Variants in CATSPERD observed in about 807,000 individuals in gnomAD.
CATSPERD encodes the protein catsper channel auxiliary subunit delta, also known as cation channel sperm-associated auxiliary subunit delta.
A neutral mutation model predicts 98.1 loss-of-function variants in CATSPERD; 86 were observed. The observed-to-expected ratio is 0.88, with a 90% CI of 0.74 to 1.05. The LOEUF (loss-of-function observed/expected upper bound fraction) is 1.05. Ranked by LOEUF, CATSPERD falls within the 50% of genes least tolerant of loss-of-function variation. The probability of loss-of-function intolerance (pLI) is 0.00; values close to 1 mark genes in which losing one functional copy is unlikely to be tolerated. For synonymous variants in CATSPERD, 394 were observed against 390.2 expected, an observed-to-expected ratio of 1.01 and a Z score of -0.12; for missense variants, 995 against 1,005.7, an observed-to-expected ratio of 0.99 and a Z score of 0.14.
Position 5,759,052 on chromosome 19 carries a change from G to T in CATSPERD, c.1369-34G>T, listed in dbSNP as rs1487316564. On this transcript the variant is annotated intron_variant, in intron 14 of 21. Transcript: ENST00000381624. ...TTGGGGATGCCCATGGTGTTCCACGGATACACTTGGGATTTTCTCTCTTGA... is the reference window on the plus strand; with the variant it reads ...TTGGGGATGCCCATGGTGTTCCACGTATACACTTGGGATTTTCTCTCTTGA... 2.5e-6 allele frequency: 4 copies of T among 1,606,404 alleles called. No homozygotes were observed. In the African/African-American group the frequency reaches 5.4e-5, roughly 22 times the overall value.
chr19:5,750,667 G>A (rs1474813139), intron 11 of CATSPERD, among the ~76,000 whole-genome samples: 2 of 151,652 alleles, frequency 1.3e-5, no homozygotes, highest in Admixed American at 1.3e-4. Flanking sequence ...CCCGGGAGAC[G>A]GAGGTTGCAG....
In CATSPERD at chr19:5,720,680, T is replaced by C. The variant is rs1354120177; in HGVS notation, c.-58T>C. 6.5e-7 allele frequency: 1 copy of C among 1,533,292 alleles called. No individual in the cohort carries two copies. The highest frequency in any genetic ancestry group is 8.9e-7 in the Non-Finnish European group (1 of 1,122,304). The allele number at this position is 1,533,292 out of a possible 1,614,324, so 95.0% of individuals were successfully genotyped here. On this transcript the variant is annotated 5_prime_UTR_variant, in exon 1 of 22. Transcript: ENST00000381624. ...GGCTTCAGCCTGCACGTACTCGGAT[T>C]GTGCAGCGACTCCCCGTGGCGGTTG...
At chr19:5,722,536 A>T (rs1405888453) in intron 1 of CATSPERD, among the ~76,000 whole-genome samples, 1 of 152,148 alleles carries the variant, frequency 6.6e-6, no homozygotes, top group Non-Finnish European at 1.5e-5. Flanking sequence ...TACTAATAGG[A>T]TTTGTCTCGA....
chr19:5,724,594 G>A (rs1249664637), intron 1 of CATSPERD, among the ~76,000 whole-genome samples: 2 of 152,176 alleles, frequency 1.3e-5, no homozygotes, highest in African/African-American at 4.8e-5. Flanking sequence ...AGCTACTCTG[G>A]CGGCTGAGGC....
In CATSPERD at chr19:5,778,594, T is replaced by G. The variant is rs951522721; in HGVS notation, c.2315T>G (p.Phe772Cys). ...LCRRCKTVCQ[F>C]RASATARAGT... is the part of the protein sequence containing the mutation. The stretch of plus-strand genomic sequence containing the variant: ...AGGAGATGCAAGACGGTCTGCCAGT[T>G]CAGGGCCTCAGCCACAGCCAGGGCA... The change falls in exon 22 of 22, where the codon TTC (phenylalanine) becomes TGC (cysteine). Residue 772 changes from phenylalanine to cysteine, a missense_variant. Around this residue, in one of 3 missense-constraint regions of CATSPERD, gnomAD observed 762 missense variants for 773.7 expected, o/e 0.98. Transcript: ENST00000381624. 1.2e-6 allele frequency: 2 copies of G among 1,613,696 alleles called. No homozygotes were observed. The highest frequency in any genetic ancestry group is 1.7e-6 in the Non-Finnish European group (2 of 1,179,986).
intron 15 of CATSPERD, among the ~76,000 whole-genome samples, chr19:5,760,173 G>A (rs28371787): frequency 0.11 from 17,086 of 148,968 alleles, 996 homozygotes; most frequent in East Asian, 0.17. Context: ...GGCTGAGGCG[G>A]ACAGCTCACA....
At chr19:5,748,575 G>A (rs1251013463) in intron 10 of CATSPERD, among the ~76,000 whole-genome samples, 2 of 140,578 alleles carry the variant, frequency 1.4e-5, no homozygotes, top group Non-Finnish European at 3.0e-5. Flanking sequence ...AGTGAGCAGT[G>A]AGCAGATCGC....
At chr19:5,738,032 C>T (rs2055882788) in intron 6 of CATSPERD, among the ~76,000 whole-genome samples, 1 of 151,952 alleles carries the variant, frequency 6.6e-6, no homozygotes, top group Non-Finnish European at 1.5e-5. Context: ...CTATAGTTGA[C>T]CTTTGAACAA....
chr19:5,742,215 T>C (rs1295136675), intron 7 of CATSPERD, among the ~76,000 whole-genome samples: 1 of 49,058 alleles, frequency 2.0e-5, no homozygotes, highest in African/African-American at 6.8e-5. Context: ...TGTGCATGTG[T>C]GTACATGTGT....
At chr19:5,722,325 G>A (rs1599496893) in intron 1 of CATSPERD, among the ~76,000 whole-genome samples, 1 of 152,080 alleles carries the variant, frequency 6.6e-6, no homozygotes. Context: ...GTTCCACCAT[G>A]TTGCCCAGGT....
chr19:5,742,365 T>C (rs1365660836), intron 7 of CATSPERD, among the ~76,000 whole-genome samples: 2 of 152,132 alleles, frequency 1.3e-5, no homozygotes, highest in African/African-American at 4.8e-5. Flanking sequence ...TGTATGTTTG[T>C]GCGTGTGGCA....
intron 20 of CATSPERD, among the ~76,000 whole-genome samples, chr19:5,773,482 G>T (rs138871004): frequency 6.6e-6 from 1 of 152,252 alleles, no homozygotes; most frequent in Non-Finnish European, 1.5e-5. Flanking sequence ...GCTACTGAGG[G>T]ATGGATGGAA....
chr19:5,730,003 T>C (rs2055683384), intron 4 of CATSPERD, 59 bp downstream of exon 4: 2 of 1,016,686 alleles, frequency 2.0e-6, no homozygotes, highest in Non-Finnish European at 3.0e-6. Flanking sequence ...TGGGGGAAAA[T>C]ACAGTTCAGA....
intron 11 of CATSPERD, 116 bp from the exon 12 acceptor site, chr19:5,751,531 C>CAAAAAAAAAAAAAAAAA (rs57266365): frequency 6.4e-6 from 1 of 155,740 alleles, no homozygotes; most frequent in African/African-American, 6.1e-5. Flanking sequence ...GAGACTCCAT[C>CAAAAAAAAAAAAAAAAA]AAAAAAAAAA....
chr19:5,732,948 A>G (rs2055756667), intron 4 of CATSPERD, among the ~76,000 whole-genome samples: 1 of 151,276 alleles, frequency 6.6e-6, no homozygotes, highest in Admixed American at 6.6e-5. Flanking sequence ...AAGTGTTGGT[A>G]TTACAGGCGT....
Position 5,770,950 on chromosome 19 carries a change from C to A in CATSPERD, c.1641C>A (p.Phe547Leu). 6.2e-7 allele frequency: 1 copy of A among 1,607,368 alleles called. No homozygotes were observed. The highest frequency in any genetic ancestry group is 8.5e-7 in the Non-Finnish European group (1 of 1,177,096). Reference sequence around the variant, plus strand: ...GCTTCTTGGTGTCTTGAAGGGAATTCTACGACCCCGGCTTCCAGGGGCAGC... The same window carrying A: ...GCTTCTTGGTGTCTTGAAGGGAATTATACGACCCCGGCTTCCAGGGGCAGC... The part of the protein sequence containing the change: ...DNYSFIIEKE[F>L]YDPGFQGQQS... Residue 547 changes from phenylalanine (F) to leucine (L), a missense_variant, in exon 19 of 22, where the codon TTC (phenylalanine) becomes TTA (leucine). Coordinates refer to ENST00000381624, the MANE Select transcript of CATSPERD (RefSeq NM_152784.4).
intron 3 of CATSPERD, among the ~76,000 whole-genome samples, chr19:5,727,717 G>A (rs2055632275): frequency 6.6e-6 from 1 of 152,126 alleles, no homozygotes; most frequent in African/African-American, 2.4e-5. Flanking sequence ...GCTTAGAGCA[G>A]AGCATTCAAA....
intron 18 of CATSPERD, among the ~76,000 whole-genome samples, chr19:5,769,914 T>C (rs2436497): frequency 0.87 from 131,659 of 151,524 alleles, 57,288 homozygotes; most frequent in East Asian, 0.95. Context: ...CATGGTGAAA[T>C]CCCGTCTCTA....
At chr19:5,772,625 C>CCA (rs896375384) in intron 19 of CATSPERD, among the ~76,000 whole-genome samples, 163 bp from the exon 20 acceptor site, 1 of 152,046 alleles carries the variant, frequency 6.6e-6, no homozygotes, top group Non-Finnish European at 1.5e-5. Context: ...TCCCCGCAGC[C>CCA]CACACACGGC....
Sources: gnomAD v4.1 joint callset for allele counts (sites outside exome capture counted in the v4.1 genomes callset) on GRCh38, gnomAD v4.1.1 for gene constraint, gnomAD v4.1.1 regional missense constraint, MANE v1.5 for transcripts, NCBI Gene and HGNC (gene_info 2026-07-23, HGNC 2026-07-21) for gene names.